Variants in KASH5 observed in about 807,000 individuals in gnomAD.
KASH5 encodes protein KASH5.
A neutral mutation model predicts 84.2 loss-of-function variants in KASH5; 72 were observed. The ratio of observed to expected loss-of-function variants is 0.85; its 90% CI spans 0.71 to 1.04. KASH5 has a LOEUF of 1.04. Among genes scored for constraint, KASH5 ranks in the 50% least tolerant of loss-of-function variants. The probability of loss-of-function intolerance (pLI) is 0.00; values close to 1 mark genes in which losing one functional copy is unlikely to be tolerated. For missense variants in KASH5, 650 were observed against 701.0 expected, an observed-to-expected ratio of 0.93 and a Z score of 0.82; for synonymous variants, 260 against 279.1, an observed-to-expected ratio of 0.93 and a Z score of 0.68.
intron 9 of KASH5, among the ~76,000 whole-genome samples, chr19:49,401,646 G>A (rs576030266): frequency 1.3e-5 from 2 of 152,254 alleles, no homozygotes; most frequent in East Asian, 1.9e-4. Context: ...GCTAGCCCTG[G>A]GTTAGGGGAA....
At chr19:49,415,078 C>T (rs1974859430) in intron 17 of KASH5, 82 bp downstream of exon 17, 2 of 1,322,708 alleles carry the variant, frequency 1.5e-6, no homozygotes, top group Non-Finnish European at 2.1e-6. Context: ...CTTCCCAAGC[C>T]CCAGCCTCAC....
chr19:49,399,987 G>A lies in KASH5; in HGVS notation c.798+480G>A, dbSNP rs1301287129. Among the ~76,000 whole-genome samples, 2 of 152,118 alleles carry A rather than the reference G, an allele frequency of 1.3e-5. No individual in the cohort carries two copies. The highest frequency in any genetic ancestry group is 2.9e-5 in the Non-Finnish European group (2 of 68,018). Reference sequence around the variant, plus strand: ...CTCATGCCTGGAATCCCAGCACTTCGGGAGGCCTAGCTGGGTGGACCCCTT... The same window carrying A: ...CTCATGCCTGGAATCCCAGCACTTCAGGAGGCCTAGCTGGGTGGACCCCTT... On this transcript the variant is annotated intron_variant, in intron 9 of 19. Coordinates refer to ENST00000447857, the MANE Select transcript of KASH5 (RefSeq NM_144688.5). This position sits in a 1 kb window ranked among gnomAD's most constrained non-coding sequence, Gnocchi z 4.4.
At position 49,399,237 on chromosome 19, in the gene KASH5, A is replaced by G; in HGVS notation, c.747+95A>G. ...GTGACTATGGAGTAGGAAGGGGCAG[A>G]GGTCACCTGGCTTTCTCCCTCTCTC... On this transcript the variant is annotated intron_variant, in intron 8 of 19. Coordinates refer to ENST00000447857, the MANE Select transcript of KASH5 (RefSeq NM_144688.5). The surrounding 1 kb of genome is among the most constrained non-coding windows in gnomAD (Gnocchi z 4.4). 8.9e-7 allele frequency: 1 copy of G among 1,124,826 alleles called. No individual in the cohort carries two copies. Among genetic ancestry groups the G allele is most frequent in the Non-Finnish European group, 1.3e-6 (1 of 792,774 alleles). 69.7% of individuals were successfully genotyped at this position (1,124,826 alleles called of 1,614,324 possible). A position where few individuals can be genotyped will look rare whatever the true frequency, so the allele number is the denominator to read the frequency against.
At chr19:49,402,633 G>A (rs1234019610) in intron 9 of KASH5, among the ~76,000 whole-genome samples, 1 of 152,170 alleles carries the variant, frequency 6.6e-6, no homozygotes, top group Non-Finnish European at 1.5e-5. Flanking sequence ...CTTGAACCCA[G>A]GAGGCAGAGG....
In KASH5 at chr19:49,395,384, A is replaced by G. The variant is rs967302329; in HGVS notation, c.335+92A>G. On this transcript the variant is annotated intron_variant, in intron 4 of 19. Transcript: ENST00000447857. This position sits in a 1 kb window ranked among gnomAD's most constrained non-coding sequence, Gnocchi z 4.4. ...CTGGAGCCAGCATCCTTTAGGCCCA[A>G]GGACCTACTGTGTTTGGAATGAGGC... The G allele has an allele frequency of 4.1e-5, 56 of 1,352,452 alleles. No individual in the cohort carries two copies. The highest frequency in any genetic ancestry group is 5.4e-5 in the Non-Finnish European group (52 of 970,884). The allele number at this position is 1,352,452 out of a possible 1,614,324, so 83.8% of individuals were successfully genotyped here. A position where few individuals can be genotyped will look rare whatever the true frequency, so the allele number is the denominator to read the frequency against.
chr19:49,399,542 C>T lies in KASH5; in HGVS notation c.798+35C>T. 6.3e-7 allele frequency: 1 copy of T among 1,585,946 alleles called. No homozygotes were observed. Among genetic ancestry groups the T allele is most frequent in the South Asian group, 1.2e-5 (1 of 86,846 alleles). The stretch of plus-strand genomic sequence containing the variant: ...GGCCCAGCACCACCCCCACCCCTTC[C>T]CCAGTCCTTAAGGTCTTCTTGACAC... On this transcript the variant is annotated intron_variant, in intron 9 of 19. Coordinates refer to ENST00000447857, the MANE Select transcript of KASH5 (RefSeq NM_144688.5). This position sits in a 1 kb window ranked among gnomAD's most constrained non-coding sequence, Gnocchi z 4.4.
At chr19:49,401,223 C>T (rs1042701017) in intron 9 of KASH5, among the ~76,000 whole-genome samples, 9 of 152,174 alleles carry the variant, frequency 5.9e-5, no homozygotes, top group Admixed American at 2.0e-4. Flanking sequence ...TGGCTACTTT[C>T]CTGTGAAAGG....
intron 9 of KASH5, among the ~76,000 whole-genome samples, chr19:49,403,423 C>T (rs1467056114): frequency 6.6e-6 from 1 of 152,100 alleles, no homozygotes; most frequent in African/African-American, 2.4e-5. Context: ...CTCGTGGCTC[C>T]TTTCATCAGA....
chr19:49,407,245 G>C lies in KASH5; in HGVS notation c.882G>C (p.Gln294His). Residue 294 changes from glutamine (Q) to histidine (H), a missense_variant, in exon 11 of 20, where the codon CAG becomes CAC. By Grantham distance (24) the Gln-to-His change is conservative. Coordinates refer to ENST00000447857, the MANE Select transcript of KASH5 (RefSeq NM_144688.5). ...ACCGGCTCCTTTCTTGGCAGCGGCA[G>C]CTCTTTGAGTGTGAACACCTCATTT... ...LAMEKDTLKRQLFECEHLICQ... is the reference protein window; with the variant it reads ...LAMEKDTLKRHLFECEHLICQ... 1.2e-6 allele frequency: 2 copies of C among 1,613,644 alleles called. No homozygotes were observed. Among genetic ancestry groups the C allele is most frequent in the Non-Finnish European group, 1.7e-6 (2 of 1,179,622 alleles).
chr19:49,388,320 G>A lies in KASH5; in HGVS notation c.-103G>A, dbSNP rs1429444412. 1 of 152,282 alleles carries A rather than the reference G, an allele frequency of 6.6e-6. No individual in the cohort carries two copies. Among genetic ancestry groups the A allele is most frequent in the Non-Finnish European group, 1.5e-5 (1 of 68,104 alleles). 9.4% of individuals were successfully genotyped at this position (152,282 alleles called of 1,614,324 possible). A position where few individuals can be genotyped will look rare whatever the true frequency, so the allele number is the denominator to read the frequency against. On this transcript the variant is annotated 5_prime_UTR_variant, in exon 1 of 20. Coordinates refer to ENST00000447857, the MANE Select transcript of KASH5 (RefSeq NM_144688.5). ...CCGTTGTGTCCCGAGACTAGGACGT[G>A]GCTCCAGGTGCGCCCTGCCCCGCGG...
intron 13 of KASH5, 71 bp downstream of exon 13, chr19:49,409,102 C>T (rs1974627682): frequency 1.3e-6 from 2 of 1,581,446 alleles, no homozygotes; most frequent in African/African-American, 2.7e-5. Context: ...TGGCCTCCAG[C>T]CCCAAGGTGG....
intron 2 of KASH5, chr19:49,393,315 C>G (rs928254496): frequency 2.0e-5 from 3 of 152,256 alleles, no homozygotes; most frequent in African/African-American, 7.2e-5. Context: ...CTGCCAAAGC[C>G]TTTCTAGATT....
intron 9 of KASH5, among the ~76,000 whole-genome samples, chr19:49,401,195 A>G (rs1600918057): frequency 6.6e-6 from 1 of 152,144 alleles, no homozygotes; most frequent in Non-Finnish European, 1.5e-5. Context: ...ACACCCTTCC[A>G]GAGCCAGGGA....
intron 2 of KASH5, 149 bp downstream of exon 2, chr19:49,391,075 C>T: frequency 3.6e-6 from 3 of 839,416 alleles, no homozygotes. Flanking sequence ...AGGGAAGGGA[C>T]TCTGGTAGAT....
intron 17 of KASH5, 47 bp downstream of exon 17, chr19:49,415,043 C>G: frequency 6.4e-7 from 1 of 1,557,802 alleles, no homozygotes; most frequent in Non-Finnish European, 8.8e-7. Flanking sequence ...CACTCCACAC[C>G]CACAGAGGCT....
chr19:49,398,255 C>T (rs1974250049), intron 7 of KASH5, 112 bp downstream of exon 7: 1 of 872,122 alleles, frequency 1.1e-6, no homozygotes, highest in East Asian at 2.9e-5. Context: ...TGACTCTGTA[C>T]CTGTCCTTTC....
chr19:49,394,095 C>A (rs191216607), intron 2 of KASH5, among the ~76,000 whole-genome samples: 17 of 152,248 alleles, frequency 1.1e-4, no homozygotes, highest in African/African-American at 4.1e-4. Context: ...CCTGGGCCCC[C>A]CCTTCACTCT....
intron 5 of KASH5, among the ~76,000 whole-genome samples, chr19:49,396,687 T>G (rs1974194008): frequency 1.3e-5 from 2 of 152,190 alleles, no homozygotes; most frequent in Admixed American, 6.5e-5. Flanking sequence ...GATTATCTAG[T>G]TAGCCACTGG....
In KASH5 at chr19:49,399,724, A is replaced by G; in HGVS notation, c.798+217A>G. On this transcript the variant is annotated intron_variant, in intron 9 of 19. Coordinates refer to ENST00000447857, the MANE Select transcript of KASH5 (RefSeq NM_144688.5). The surrounding 1 kb of genome is among the most constrained non-coding windows in gnomAD (Gnocchi z 4.4). ...GGTCAGCCTACATGGCTTCAGGCTGAGGCCACCTACATAAGAGTGGACCAG... is the reference window on the plus strand; with the variant it reads ...GGTCAGCCTACATGGCTTCAGGCTGGGGCCACCTACATAAGAGTGGACCAG... 2 of 1,379,772 alleles carry G rather than the reference A, an allele frequency of 1.4e-6. No homozygotes were observed. Among genetic ancestry groups the G allele is most frequent in the Non-Finnish European group, 1.9e-6 (2 of 1,048,708 alleles). The allele number at this position is 1,379,772 out of a possible 1,614,324, so 85.5% of individuals were successfully genotyped here.
Sources: allele counts gnomAD v4.1 joint callset (sites outside exome capture counted in the v4.1 genomes callset), GRCh38; gene constraint gnomAD v4.1.1; non-coding constraint Gnocchi (gnomAD v3.1); transcripts MANE v1.5; gene names NCBI Gene and HGNC (gene_info 2026-07-23, HGNC 2026-07-21).